SYN2: variants seen among roughly 807,000 people sequenced by gnomAD.
SYN2 encodes synapsin-2.
In SYN2, 19 loss-of-function variants were observed where a neutral mutation model predicts 50.9. The observed-to-expected ratio is 0.37, with a 90% CI of 0.26 to 0.55. The LOEUF (loss-of-function observed/expected upper bound fraction) is 0.55. Ranked by LOEUF, SYN2 falls within the 20% of genes least tolerant of loss-of-function variation. The pLI, the probability that SYN2 is intolerant of heterozygous loss-of-function variation, is 0.81. For synonymous variants in SYN2, 255 were observed against 224.9 expected, an observed-to-expected ratio of 1.13 and a Z score of -1.20; for missense variants, 587 against 576.4, an observed-to-expected ratio of 1.02 and a Z score of -0.19.
At position 12,187,372 on chromosome 3, in the gene SYN2, G is replaced by A. The variant is rs745588095; in HGVS notation, c.1373G>A (p.Gly458Asp). Residue 458 changes from glycine (G) to aspartate (D), a missense_variant, in exon 12 of 13, where the codon GGC (glycine) becomes GAC (aspartate). Gly to Asp is a moderately conservative substitution (Grantham distance 94). Coordinates refer to ENST00000621198, the MANE Select transcript of SYN2 (RefSeq NM_133625.6). ...TPPQRPPPQGGPGQPQGMQPP... is the reference protein window; with the variant it reads ...TPPQRPPPQGDPGQPQGMQPP... ...GTTTTTCTTGTACTGAACCTAGGGG[G>A]CCCTGGGCAACCCCAAGGAATGCAG... 1.3e-6 allele frequency: 2 copies of A among 1,540,966 alleles called. No individual in the cohort carries two copies. The highest frequency in any genetic ancestry group is 1.8e-6 in the Non-Finnish European group (2 of 1,138,778).
chr3:12,071,960 G>A (rs113109809), intron 1 of SYN2, among the ~76,000 whole-genome samples: 2 of 152,018 alleles, frequency 1.3e-5, no homozygotes, highest in South Asian at 4.1e-4. Flanking sequence ...ATTTATGTAA[G>A]GTTTTTTTGT....
chr3:12,021,954 C>T (rs1694147276), intron 1 of SYN2, among the ~76,000 whole-genome samples: 1 of 151,838 alleles, frequency 6.6e-6, no homozygotes, highest in Non-Finnish European at 1.5e-5. Flanking sequence ...CCTGTAATCT[C>T]AGCTACTTTG....
intron 11 of SYN2, chr3:12,185,064 G>A: frequency 1.0e-6 from 1 of 985,864 alleles, no homozygotes; most frequent in Non-Finnish European, 1.2e-6. Context: ...AGGCCACAGA[G>A]AAATGCATTG....
At chr3:12,174,963 C>G (rs1302361115) in intron 10 of SYN2, among the ~76,000 whole-genome samples, 1 of 152,144 alleles carries the variant, frequency 6.6e-6, no homozygotes, top group Non-Finnish European at 1.5e-5. Flanking sequence ...CTCAAGAGTA[C>G]AGACTTGTTT....
At chr3:12,137,059 A>C (rs757331244) in intron 1 of SYN2, among the ~76,000 whole-genome samples, 2 of 152,100 alleles carry the variant, frequency 1.3e-5, no homozygotes, top group Non-Finnish European at 2.9e-5. Context: ...CAGCCTGGAC[A>C]ACATAGTGAA....
At chr3:12,137,990 C>T (rs1179734788) in intron 1 of SYN2, among the ~76,000 whole-genome samples, 1 of 152,170 alleles carries the variant, frequency 6.6e-6, no homozygotes, top group African/African-American at 2.4e-5. Context: ...AAGGGTACAG[C>T]TAGAATTCAC....
At chr3:12,086,226 T>C (rs1265934275) in intron 1 of SYN2, among the ~76,000 whole-genome samples, 2 of 152,006 alleles carry the variant, frequency 1.3e-5, no homozygotes, top group South Asian at 2.1e-4. Context: ...GAATAAGTAA[T>C]AAAAAGTCTC....
intron 3 of SYN2, among the ~76,000 whole-genome samples, chr3:12,143,057 A>G (rs7621569): frequency 0.18 from 26,633 of 152,152 alleles, 2,923 homozygotes; most frequent in African/African-American, 0.32. Flanking sequence ...TAATGGGGAT[A>G]CATGAACGCA....
chr3:12,116,382 C>T (rs768091068), intron 1 of SYN2, among the ~76,000 whole-genome samples: 12 of 152,008 alleles, frequency 7.9e-5, no homozygotes, highest in Non-Finnish European at 1.6e-4. Context: ...AAAGGTTGCC[C>T]GGAAAGCAGA....
chr3:12,114,961 A>G (rs1427652533), intron 1 of SYN2, among the ~76,000 whole-genome samples: 1 of 152,084 alleles, frequency 6.6e-6, no homozygotes, highest in East Asian at 1.9e-4. Context: ...TCTTTCCTCC[A>G]CAATATGCCC....
intron 1 of SYN2, among the ~76,000 whole-genome samples, chr3:12,019,323 C>T (rs1439211003): frequency 2.6e-5 from 4 of 152,092 alleles, no homozygotes; most frequent in Non-Finnish European, 4.4e-5. Flanking sequence ...AGAGTGAGCC[C>T]GTGAGCTAAC....
chr3:12,068,988 C>T (rs1251081662), intron 1 of SYN2, among the ~76,000 whole-genome samples: 3 of 152,210 alleles, frequency 2.0e-5, no homozygotes, highest in African/African-American at 7.2e-5. Context: ...GTTGCCTGTT[C>T]TGAACACTTC....
chr3:12,125,496 TC>T (rs2125205433), intron 1 of SYN2, among the ~76,000 whole-genome samples: 1 of 152,238 alleles, frequency 6.6e-6, no homozygotes, highest in East Asian at 1.9e-4. Flanking sequence ...CTCAGAGATA[TC>T]CAACTTCCAA....
chr3:12,144,875 CA>C (rs1233819995), intron 3 of SYN2, among the ~76,000 whole-genome samples: 2 of 151,942 alleles, frequency 1.3e-5, no homozygotes, highest in African/African-American at 4.8e-5. Context: ...ACTAAAACTA[CA>C]AAAAATTATC....
chr3:12,161,023 T>C (rs1243444860), intron 5 of SYN2, among the ~76,000 whole-genome samples: 1 of 151,952 alleles, frequency 6.6e-6, no homozygotes. Context: ...GAGATTGGGG[T>C]ATTGGTGAGC....
intron 1 of SYN2, among the ~76,000 whole-genome samples, chr3:12,051,000 G>T (rs1694848850): frequency 6.6e-6 from 1 of 151,774 alleles, no homozygotes; most frequent in Non-Finnish European, 1.5e-5. Context: ...CTCCCAAAGT[G>T]CTGGGATTAC....
intron 5 of SYN2, chr3:12,153,820 T>C: frequency 1.6e-6 from 2 of 1,219,350 alleles, no homozygotes; most frequent in Admixed American, 3.9e-5. Flanking sequence ...ATGCCCCCTA[T>C]CTTATCAAGC....
chr3:12,159,507 G>A (rs1467209931), intron 5 of SYN2, among the ~76,000 whole-genome samples: 2 of 152,222 alleles, frequency 1.3e-5, no homozygotes, highest in African/African-American at 2.4e-5. Flanking sequence ...TTGCCTGGGG[G>A]GTGGGGAGAG....
chr3:12,038,303 A>C (rs923278962), intron 1 of SYN2, among the ~76,000 whole-genome samples: 3 of 152,160 alleles, frequency 2.0e-5, no homozygotes, highest in Admixed American at 2.0e-4. Flanking sequence ...TCAATATCAT[A>C]TTATCTTCAT....
Sources: allele counts gnomAD v4.1 joint callset (sites outside exome capture counted in the v4.1 genomes callset), GRCh38; gene constraint gnomAD v4.1.1; transcripts MANE v1.5; gene names NCBI Gene and HGNC (gene_info 2026-07-23, HGNC 2026-07-21).